Variants in COL24A1 observed in about 807,000 individuals in gnomAD.
The protein encoded by COL24A1 is collagen type XXIV alpha 1 chain.
Under a neutral mutation model 253.9 loss-of-function variants are expected in COL24A1, and 224 were observed. The ratio of observed to expected loss-of-function variants is 0.88; its 90% CI spans 0.79 to 0.99. The LOEUF (loss-of-function observed/expected upper bound fraction) is 0.99, where lower values mean the gene tolerates loss of function less well. Ranked by LOEUF, COL24A1 falls within the 50% of genes least tolerant of loss-of-function variation. The probability of loss-of-function intolerance (pLI) is 0.00; values close to 1 mark genes in which losing one functional copy is unlikely to be tolerated. For missense variants in COL24A1, 2,131 were observed against 2,068.5 expected (o/e 1.03, Z -0.59); for synonymous variants, 685 against 673.7 (o/e 1.02, Z -0.26).
At chr1:85,771,504 A>G (rs540387297) in intron 53 of COL24A1, among the ~76,000 whole-genome samples, 36 of 152,180 alleles carry the variant, frequency 2.4e-4, no homozygotes, top group African/African-American at 8.2e-4. Flanking sequence ...TCTACTACTG[A>G]TGGACATTTG....
At chr1:85,877,535 A>G (rs1394289251) in intron 32 of COL24A1, among the ~76,000 whole-genome samples, 10 of 151,992 alleles carry the variant, frequency 6.6e-5, no homozygotes, top group Non-Finnish European at 1.5e-5. Context: ...GCTAATTTTC[A>G]TATTTGTAGT....
chr1:86,115,498 A>G, intron 3 of COL24A1, 120 bp from the exon 4 acceptor site: 1 of 916,870 alleles, frequency 1.1e-6, no homozygotes, highest in Non-Finnish European at 1.7e-6. Flanking sequence ...CCAGCTGGTG[A>G]TGATTTTTAA....
At chr1:85,765,116 T>C (rs1181552082) in intron 53 of COL24A1, among the ~76,000 whole-genome samples, 1 of 152,196 alleles carries the variant, frequency 6.6e-6, no homozygotes, top group Non-Finnish European at 1.5e-5. Context: ...GTGTTAATAT[T>C]TAGGACCTAT....
At chr1:85,896,253 A>T in intron 29 of COL24A1, 103 bp downstream of exon 29, 1 of 1,279,744 alleles carries the variant, frequency 7.8e-7, no homozygotes, top group Non-Finnish European at 1.1e-6. Flanking sequence ...GAGAAAACTT[A>T]GAACCATACT....
intron 32 of COL24A1, among the ~76,000 whole-genome samples, chr1:85,877,508 A>T (rs1203212646): frequency 6.6e-6 from 1 of 150,954 alleles, no homozygotes; most frequent in African/African-American, 2.5e-5. Flanking sequence ...GATTACAGGC[A>T]ATTGCCACCA....
chr1:85,968,098 G>T (rs552478375), intron 22 of COL24A1, among the ~76,000 whole-genome samples: 9 of 152,098 alleles, frequency 5.9e-5, no homozygotes, highest in Non-Finnish European at 1.2e-4. Flanking sequence ...TTAGATCATT[G>T]GACTCCAAAT....
rs555796524 is a variant in COL24A1 at position 86,079,600 on chromosome 1, T to TCTATAGGAAAAAA, written c.1707+9573_1707+9574insTTTTTTCCTATAG. Among the ~76,000 whole-genome samples the TCTATAGGAAAAAA allele has an allele frequency of 2.5e-3, 375 of 152,220 alleles. 9 individuals are homozygous for TCTATAGGAAAAAA. The East Asian group carries it at 0.046, about 19-fold the overall frequency. ...AGAATGTAGAAGGTGCTCAAACAACTAATCAAGTAATCCAATTAAAAATGG... is the reference window on the plus strand; with the variant it reads ...AGAATGTAGAAGGTGCTCAAACAACTCTATAGGAAAAAAAATCAAGTAATCCAATTAAAAATGG... On this transcript the variant is annotated intron_variant, in intron 7 of 59. Coordinates refer to ENST00000370571, the MANE Select transcript of COL24A1 (RefSeq NM_152890.7).
At chr1:86,011,859 G>T (rs1349045989) in intron 19 of COL24A1, among the ~76,000 whole-genome samples, 2 of 152,106 alleles carry the variant, frequency 1.3e-5, no homozygotes, top group African/African-American at 4.8e-5. Context: ...TTGGATAAAG[G>T]TTCTGCTGCC....
chr1:85,947,146 A>G (rs999522561), intron 24 of COL24A1, among the ~76,000 whole-genome samples: 1 of 152,184 alleles, frequency 6.6e-6, no homozygotes, highest in African/African-American at 2.4e-5. Context: ...CCTTGTCCCC[A>G]TTCCCCTATG....
Position 85,761,553 on chromosome 1 carries a change from G to T in COL24A1, c.4388C>A (p.Pro1463Gln), listed in dbSNP as rs756020887. The change falls in exon 54 of 60, where the codon CCA (proline) becomes CAA (glutamine). Residue 1463 changes from proline to glutamine, a missense_variant. Coordinates refer to ENST00000370571, the MANE Select transcript of COL24A1 (RefSeq NM_152890.7). ...GFRGETGPQGPRGQPGPPGPP... is the reference protein window; with the variant it reads ...GFRGETGPQGQRGQPGPPGPP... ...CACTGGAGGCCCTGGTTGACCTCTTGGTCCTTGAGGACCCTGGAAGAAATG... is the reference window on the plus strand; with the variant it reads ...CACTGGAGGCCCTGGTTGACCTCTTTGTCCTTGAGGACCCTGGAAGAAATG... 6 of 1,614,030 alleles carry T rather than the reference G, an allele frequency of 3.7e-6. No homozygotes were observed. The highest frequency in any genetic ancestry group is 5.1e-6 in the Non-Finnish European group (6 of 1,179,966).
rs144708521 is a variant in COL24A1, at chr1:85,735,471, G to A, written c.4783-507C>T. Among the ~76,000 whole-genome samples, 16 of 152,050 alleles carry A rather than the reference G, an allele frequency of 1.1e-4. No individual in the cohort carries two copies. In the East Asian group the frequency reaches 3.1e-3, roughly 29 times the overall value. On this transcript the variant is annotated intron_variant, in intron 58 of 59. Transcript: ENST00000370571. ...TTTTTGTGAGAGTTTCCAAAGATGA[G>A]TTACAAGCTGTAACAATAATTTGGT...
At chr1:85,836,588 A>G (rs1355003728) in intron 43 of COL24A1, among the ~76,000 whole-genome samples, 7 of 152,216 alleles carry the variant, frequency 4.6e-5, no homozygotes, top group African/African-American at 1.4e-4. Flanking sequence ...GCTAGGAGAA[A>G]ACTTGGTGAG....
At chr1:86,070,271 A>G (rs1226128478) in intron 7 of COL24A1, among the ~76,000 whole-genome samples, 1 of 152,236 alleles carries the variant, frequency 6.6e-6, no homozygotes, top group Non-Finnish European at 1.5e-5. Flanking sequence ...GCTATTTGAC[A>G]AAACACAGTC....
intron 53 of COL24A1, among the ~76,000 whole-genome samples, chr1:85,771,036 T>C (rs1467002885): frequency 1.3e-5 from 2 of 152,194 alleles, no homozygotes; most frequent in Non-Finnish European, 2.9e-5. Flanking sequence ...CGGGAAGAAG[T>C]GATTGGCGGG....
chr1:85,934,800 C>T (rs1161228906), intron 24 of COL24A1, among the ~76,000 whole-genome samples: 2 of 151,992 alleles, frequency 1.3e-5, no homozygotes, highest in African/African-American at 2.4e-5. Context: ...TCAACAGAGA[C>T]CATATGGCCC....
intron 1 of COL24A1, chr1:86,154,523 T>A (rs1285517845): frequency 6.6e-6 from 1 of 152,650 alleles, no homozygotes; most frequent in Non-Finnish European, 1.5e-5. Context: ...TCTTCAGAAG[T>A]TCCTCCGGTG....
At chr1:85,767,464 T>A (rs1269375327) in intron 53 of COL24A1, among the ~76,000 whole-genome samples, 1 of 152,150 alleles carries the variant, frequency 6.6e-6, no homozygotes. Flanking sequence ...TAACGGCACA[T>A]TTTATGGATT....
At chr1:85,824,847 C>T (rs934179293) in intron 43 of COL24A1, among the ~76,000 whole-genome samples, 21 of 151,848 alleles carry the variant, frequency 1.4e-4, no homozygotes, top group African/African-American at 5.1e-4. Flanking sequence ...AGTTATCAGT[C>T]CCATCTCCTG....
intron 13 of COL24A1, among the ~76,000 whole-genome samples, chr1:86,033,229 T>G (rs1007104575): frequency 6.6e-6 from 1 of 152,198 alleles, no homozygotes; most frequent in Non-Finnish European, 1.5e-5. Flanking sequence ...CTATTCCCAA[T>G]TTAGGCTACA....
Sources: gnomAD v4.1 joint callset for allele counts (sites outside exome capture counted in the v4.1 genomes callset) on GRCh38, gnomAD v4.1.1 for gene constraint, MANE v1.5 for transcripts, NCBI Gene and HGNC (gene_info 2026-07-23, HGNC 2026-07-21) for gene names.